IGF1R: variants seen among roughly 807,000 people sequenced by gnomAD.
IGF1R encodes insulin like growth factor 1 receptor, also known as insulin-like growth factor 1 receptor.
IGF1R carries 44 observed loss-of-function variants against 144.6 expected under a neutral mutation model. The observed-to-expected ratio is 0.30, with a 90% confidence interval of 0.24 to 0.39. The LOEUF (loss-of-function observed/expected upper bound fraction) is 0.39. IGF1R is among the 10% of genes least tolerant of loss of function. The pLI is 1.00. For missense variants in IGF1R, 1,355 were observed against 1,833.7 expected (o/e 0.74, Z 4.77); for synonymous variants, 795 against 722.8 (o/e 1.10, Z -1.60).
intron 2 of IGF1R, among the ~76,000 whole-genome samples, chr15:98,778,502 C>T (rs1324888034): frequency 1.3e-5 from 2 of 152,174 alleles, no homozygotes; most frequent in Admixed American, 1.3e-4. Flanking sequence ...TGCAGAAACC[C>T]AGTGGTCACA....
intron 2 of IGF1R, among the ~76,000 whole-genome samples, chr15:98,792,853 C>G (rs1043754359): frequency 6.6e-6 from 1 of 152,192 alleles, no homozygotes; most frequent in Non-Finnish European, 1.5e-5. Context: ...CAGGGGTTGC[C>G]TCCCATGAGA....
intron 1 of IGF1R, among the ~76,000 whole-genome samples, chr15:98,654,107 G>C (rs544126340): frequency 2.6e-5 from 4 of 152,232 alleles, no homozygotes; most frequent in African/African-American, 9.6e-5. Flanking sequence ...CATTTTAAAG[G>C]TTCTTTTAAA....
At chr15:98,940,147 C>T (rs1348334875) in intron 18 of IGF1R, among the ~76,000 whole-genome samples, 1 of 152,212 alleles carries the variant, frequency 6.6e-6, no homozygotes, top group African/African-American at 2.4e-5. Flanking sequence ...CAGGAAACCA[C>T]CTGCTTTTAC....
intron 1 of IGF1R, among the ~76,000 whole-genome samples, chr15:98,695,319 G>T (rs758816459): frequency 6.6e-5 from 10 of 152,188 alleles, no homozygotes; most frequent in Non-Finnish European, 1.0e-4. Flanking sequence ...GTTGACAGAG[G>T]TTTCTACTCT....
intron 10 of IGF1R, among the ~76,000 whole-genome samples, chr15:98,917,319 G>A (rs979394883): frequency 5.9e-5 from 9 of 152,356 alleles, no homozygotes; most frequent in Admixed American, 2.0e-4. Flanking sequence ...AAAAGTCAGA[G>A]TCTGTGCTGG....
intron 2 of IGF1R, among the ~76,000 whole-genome samples, chr15:98,869,457 G>T (rs1473488441): frequency 7.5e-6 from 1 of 133,482 alleles, no homozygotes; most frequent in East Asian, 2.4e-4. Context: ...TTTTTTAGAC[G>T]GCGTTTCGCC....
In IGF1R at chr15:98,922,481, G is replaced by A. The variant is rs748061194; in HGVS notation, c.2485+50G>A. On this transcript the variant is annotated intron_variant, in intron 11 of 20. Coordinates refer to ENST00000650285, the MANE Select transcript of IGF1R (RefSeq NM_000875.5). ...ATTGCCACCTTCCTCACAACCTAGT[G>A]GAGAAGATGTGTTTTATGGACACAG... 4 of 1,592,946 alleles carry A rather than the reference G, an allele frequency of 2.5e-6. No homozygotes were observed. In the South Asian group the frequency reaches 4.4e-5, roughly 18 times the overall value.
Position 98,648,938 on chromosome 15 carries a change from G to T in IGF1R, c.-644G>T, listed in dbSNP as rs2052264541. On this transcript the variant is annotated 5_prime_UTR_variant, in exon 1 of 21. Transcript: ENST00000650285. ...CGGCGGGAGTGCTGAGCGCGGCGCG[G>T]CCGGCCCGCCGCTTTGTGTGTGTCC... The T allele has an allele frequency of 1.1e-5, 2 of 183,242 alleles. No individual in the cohort carries two copies. Among genetic ancestry groups the T allele is most frequent in the Non-Finnish European group, 2.3e-5 (2 of 87,102 alleles). The allele number at this position is 183,242 out of a possible 1,614,324, so 11.4% of individuals were successfully genotyped here.
At chr15:98,661,779 CA>C (rs2052603809) in intron 1 of IGF1R, among the ~76,000 whole-genome samples, 1 of 152,092 alleles carries the variant, frequency 6.6e-6, no homozygotes, top group African/African-American at 2.4e-5. Context: ...TGAGAATTAG[CA>C]ATAGATAATG....
At chr15:98,660,132 CT>C (rs1277754036) in intron 1 of IGF1R, 1 of 152,188 alleles carries the variant, frequency 6.6e-6, no homozygotes, top group African/African-American at 2.4e-5. Flanking sequence ...ATTCGGAAAT[CT>C]TTGTTTGGCT....
chr15:98,874,809 G>C (rs937358975), intron 2 of IGF1R, among the ~76,000 whole-genome samples: 2 of 152,220 alleles, frequency 1.3e-5, no homozygotes, highest in Non-Finnish European at 2.9e-5. Flanking sequence ...CTTGGGGGTG[G>C]GGAGTCGGCC....
chr15:98,746,554 C>T (rs1198534187), intron 2 of IGF1R, among the ~76,000 whole-genome samples: 6 of 151,778 alleles, frequency 4.0e-5, no homozygotes, highest in African/African-American at 1.5e-4. Flanking sequence ...GAGTGTCTTC[C>T]CCACAGTCCT....
intron 2 of IGF1R, among the ~76,000 whole-genome samples, chr15:98,761,363 G>A (rs2055291632): frequency 6.6e-6 from 1 of 152,240 alleles, no homozygotes; most frequent in African/African-American, 2.4e-5. Flanking sequence ...TAGCCACACT[G>A]AGAAAGGGGA....
intron 2 of IGF1R, among the ~76,000 whole-genome samples, chr15:98,863,114 T>A (rs1433080621): frequency 6.6e-6 from 1 of 152,240 alleles, no homozygotes. Context: ...ATTCACGAAG[T>A]TCGCACTTTT....
At chr15:98,740,530 T>A (rs2141314156) in intron 2 of IGF1R, among the ~76,000 whole-genome samples, 1 of 152,338 alleles carries the variant, frequency 6.6e-6, no homozygotes. Context: ...GAAAAGGCTT[T>A]TGTGGTTAGT....
At chr15:98,713,056 TC>T (rs1300141627) in intron 2 of IGF1R, among the ~76,000 whole-genome samples, 3 of 151,698 alleles carry the variant, frequency 2.0e-5, no homozygotes, top group Admixed American at 6.6e-5. Flanking sequence ...TGCCACTCCC[TC>T]CCGCCTGCCT....
chr15:98,904,028 A>AG (rs1254114118), intron 5 of IGF1R, among the ~76,000 whole-genome samples: 1 of 151,068 alleles, frequency 6.6e-6, no homozygotes, highest in South Asian at 2.1e-4. Context: ...AATTTACGGA[A>AG]GCTCATGGAA....
intron 6 of IGF1R, among the ~76,000 whole-genome samples, chr15:98,910,924 A>G (rs1386848513): frequency 6.6e-6 from 1 of 152,246 alleles, no homozygotes; most frequent in Non-Finnish European, 1.5e-5. Flanking sequence ...GTCTCTCTTA[A>G]GAAGTTTCAG....
chr15:98,924,979 G>GGCTTACA (rs1218584247), intron 13 of IGF1R, among the ~76,000 whole-genome samples: 1 of 149,252 alleles, frequency 6.7e-6, no homozygotes, highest in African/African-American at 2.5e-5. Context: ...CTTTCAACCT[G>GGCTTACA]GCTTACATTC....
Sources: gnomAD v4.1 joint callset for allele counts (sites outside exome capture counted in the v4.1 genomes callset) on GRCh38, gnomAD v4.1.1 for gene constraint, MANE v1.5 for transcripts, NCBI Gene and HGNC (gene_info 2026-07-23, HGNC 2026-07-21) for gene names.